The following TRIO variants were observed in gnomAD, a reference collection of about 807,000 sequenced individuals.
TRIO encodes the protein trio Rho guanine nucleotide exchange factor.
Under a neutral mutation model 351.9 loss-of-function variants are expected in TRIO, and 58 were observed. The observed-to-expected ratio is 0.16, with a 90% CI of 0.13 to 0.21. TRIO has a LOEUF of 0.21. Among genes scored for constraint, TRIO ranks in the 10% least tolerant of loss-of-function variants. The pLI is 1.00. For missense variants in TRIO, 3,201 were observed against 4,027.8 expected, an observed-to-expected ratio of 0.79 and a Z score of 5.56; for synonymous variants, 1,758 against 1,595.7, an observed-to-expected ratio of 1.10 and a Z score of -2.42.
intron 1 of TRIO, among the ~76,000 whole-genome samples, chr5:14,166,049 G>A (rs1444476016): frequency 6.6e-6 from 1 of 152,122 alleles, no homozygotes; most frequent in Non-Finnish European, 1.5e-5. Context: ...TAAGAGTGAC[G>A]GTGTCACTCA....
At chr5:14,287,261 A>G (rs78306319) in intron 4 of TRIO, among the ~76,000 whole-genome samples, 198 bp downstream of exon 4, 4 of 152,208 alleles carry the variant, frequency 2.6e-5, no homozygotes, top group Non-Finnish European at 4.4e-5. Flanking sequence ...TGTTTTACCC[A>G]CATGGGCTTA....
At chr5:14,273,725 A>G (rs1191787070) in intron 2 of TRIO, among the ~76,000 whole-genome samples, 2 of 152,234 alleles carry the variant, frequency 1.3e-5, no homozygotes, top group Non-Finnish European at 2.9e-5. Context: ...TGTAGTTTAT[A>G]TTTAATGGAG....
At chr5:14,303,772 GCTTTT>G (rs1368613276) in intron 7 of TRIO, among the ~76,000 whole-genome samples, 1 of 152,202 alleles carries the variant, frequency 6.6e-6, no homozygotes, top group African/African-American at 2.4e-5. Flanking sequence ...CATGGCTCAG[GCTTTT>G]CTCATTTGCC....
At chr5:14,189,459 G>T (rs1790328610) in intron 1 of TRIO, among the ~76,000 whole-genome samples, 1 of 152,150 alleles carries the variant, frequency 6.6e-6, no homozygotes, top group Non-Finnish European at 1.5e-5. Context: ...CGGAAAGAAG[G>T]GTTAATCCCC....
chr5:14,473,529 TTCAA>T (rs1457241358), intron 39 of TRIO, among the ~76,000 whole-genome samples: 13 of 152,214 alleles, frequency 8.5e-5, no homozygotes, highest in African/African-American at 3.1e-4. Context: ...TAGCAGCATA[TTCAA>T]TCAACTGTTG....
At position 14,419,789 on chromosome 5, in the gene TRIO, C is replaced by T; in HGVS notation, c.4971C>T (p.Gly1657=). ...NTLDSDKLSG[G]CELTVVIHDF... ...TCTGTTCCCCCCAGCTCTCTGGTGGCTGTGAGCTGACAGTGGTGATCCATG... is the reference window on the plus strand; with the variant it reads ...TCTGTTCCCCCCAGCTCTCTGGTGGTTGTGAGCTGACAGTGGTGATCCATG... Residue 1657 remains glycine (G), a synonymous_variant, in exon 34 of 57, where the codon GGC becomes GGT. Transcript: ENST00000344204. 2 of 1,614,210 alleles carry T rather than the reference C, an allele frequency of 1.2e-6. No homozygotes were observed. Among genetic ancestry groups the T allele is most frequent in the Non-Finnish European group, 1.7e-6 (2 of 1,180,030 alleles).
At chr5:14,292,447 A>G (rs1240894481) in intron 5 of TRIO, among the ~76,000 whole-genome samples, 3 of 152,244 alleles carry the variant, frequency 2.0e-5, no homozygotes, top group Non-Finnish European at 4.4e-5. Flanking sequence ...AGTAACATCT[A>G]TATTGAACCT....
chr5:14,299,435 A>G (rs779564021), intron 7 of TRIO, among the ~76,000 whole-genome samples: 4 of 152,160 alleles, frequency 2.6e-5, no homozygotes, highest in Non-Finnish European at 5.9e-5. Context: ...TAACGAAGCA[A>G]CAAGGCCTGC....
At chr5:14,236,144 G>C (rs1266804514) in intron 1 of TRIO, among the ~76,000 whole-genome samples, 2 of 152,084 alleles carry the variant, frequency 1.3e-5, no homozygotes, top group Admixed American at 6.5e-5. Context: ...ATTGTGGTTT[G>C]GCCTGTGAGG....
rs1156992761 is a variant in TRIO, at chr5:14,287,074, C to A, written c.540+11C>A. The A allele has an allele frequency of 1.2e-6, 2 of 1,613,154 alleles. No homozygotes were observed. The highest frequency in any genetic ancestry group is 2.2e-5 in the South Asian group (2 of 90,854). ...AAATTTGAATTTGAGGTAACTTCCC[C>A]CGTGTGGCTAGACCCACTAAACAAG... On this transcript the variant is annotated intron_variant, in intron 4 of 56. Coordinates refer to ENST00000344204, the MANE Select transcript of TRIO (RefSeq NM_007118.4).
At chr5:14,461,338 C>A in intron 35 of TRIO, 27 bp downstream of exon 35, 1 of 1,502,808 alleles carries the variant, frequency 6.7e-7, no homozygotes, top group Non-Finnish European at 8.9e-7. Context: ...TGGTTGGGGC[C>A]GGCGTGGCGG....
Position 14,304,442 on chromosome 5 carries a change from C to CT in TRIO, c.1369-12dup, listed in dbSNP as rs779169021. On this transcript the variant is annotated intron_variant, in intron 7 of 56. Transcript: ENST00000344204. ...ATAAATTGTCATTGATAGAAATAAT[C>CT]TTTTTTTAACCTTCCAAGTATATGA... The CT allele has an allele frequency of 4.2e-5, 67 of 1,589,756 alleles. No individual in the cohort carries two copies. The East Asian group carries it at 1.0e-3, about 24-fold the overall frequency.
At chr5:14,219,049 A>G (rs1004391390) in intron 1 of TRIO, among the ~76,000 whole-genome samples, 5 of 152,166 alleles carry the variant, frequency 3.3e-5, no homozygotes, top group Admixed American at 2.0e-4. Context: ...GAAATCTGGT[A>G]GCTCAGTTTA....
intron 1 of TRIO, among the ~76,000 whole-genome samples, chr5:14,152,666 G>A (rs746231621): frequency 9.2e-5 from 14 of 152,176 alleles, no homozygotes; most frequent in African/African-American, 1.7e-4. Context: ...CACTGCGTCC[G>A]TATTTCACGC....
chr5:14,374,651 TAGG>T (rs1023553999), intron 19 of TRIO, among the ~76,000 whole-genome samples: 1 of 151,946 alleles, frequency 6.6e-6, no homozygotes, highest in Non-Finnish European at 1.5e-5. Flanking sequence ...AAAAAATAAA[TAGG>T]GGGAAAGGGA....
At chr5:14,317,393 T>A (rs1025674348) in intron 9 of TRIO, among the ~76,000 whole-genome samples, 46 of 152,186 alleles carry the variant, frequency 3.0e-4, no homozygotes, top group African/African-American at 1.1e-3. Flanking sequence ...TGCCCCCAAA[T>A]AGAGGGAAAG....
intron 21 of TRIO, 78 bp downstream of exon 21, chr5:14,381,330 A>C: frequency 6.7e-7 from 1 of 1,489,504 alleles, no homozygotes; most frequent in Non-Finnish European, 8.9e-7. Context: ...GAAATACCTC[A>C]TGAGATTGGA....
At chr5:14,209,463 A>T (rs923375555) in intron 1 of TRIO, among the ~76,000 whole-genome samples, 5 of 152,210 alleles carry the variant, frequency 3.3e-5, no homozygotes, top group African/African-American at 1.2e-4. Flanking sequence ...GGCAAGTCCC[A>T]GTTACTAATA....
intron 4 of TRIO, among the ~76,000 whole-genome samples, chr5:14,288,016 A>G (rs933412880): frequency 1.1e-4 from 16 of 152,082 alleles, no homozygotes; most frequent in Non-Finnish European, 2.1e-4. Flanking sequence ...CATAGTACTC[A>G]TTTTTCTATC....
Sources: gnomAD v4.1 joint callset for allele counts (sites outside exome capture counted in the v4.1 genomes callset) on GRCh38, gnomAD v4.1.1 for gene constraint, MANE v1.5 for transcripts, NCBI Gene and HGNC (gene_info 2026-07-23, HGNC 2026-07-21) for gene names.